The following CDH20 variants were observed in gnomAD, a reference collection of about 807,000 sequenced individuals.
The protein encoded by CDH20 is cadherin-20.
Under a neutral mutation model 74.2 loss-of-function variants are expected in CDH20, and 29 were observed. The ratio of observed to expected loss-of-function variants is 0.39; its 90% CI spans 0.29 to 0.53. The LOEUF (loss-of-function observed/expected upper bound fraction) is 0.53, where lower values mean the gene tolerates loss of function less well. Ranked by LOEUF, CDH20 falls within the 20% of genes least tolerant of loss-of-function variation. The pLI is 0.69. For synonymous variants in CDH20, 469 were observed against 405.4 expected, an observed-to-expected ratio of 1.16 and a Z score of -1.88; for missense variants, 988 against 1,048.3, an observed-to-expected ratio of 0.94 and a Z score of 0.79.
intron 1 of CDH20, among the ~76,000 whole-genome samples, chr18:61,421,345 A>C (rs993044974): frequency 6.6e-6 from 1 of 152,174 alleles, no homozygotes; most frequent in Admixed American, 6.5e-5. Context: ...CACTTAATGA[A>C]ATTCATAATA....
At chr18:61,341,646 A>G (rs1909954358) in intron 1 of CDH20, among the ~76,000 whole-genome samples, 1 of 152,236 alleles carries the variant, frequency 6.6e-6, no homozygotes, top group South Asian at 2.1e-4. Context: ...GAAAGCAAGC[A>G]CCACACTTGA....
intron 1 of CDH20, among the ~76,000 whole-genome samples, chr18:61,348,896 G>A (rs1035817744): frequency 1.3e-5 from 2 of 152,074 alleles, no homozygotes; most frequent in African/African-American, 4.8e-5. Flanking sequence ...TAGCTTTGTG[G>A]GGCAGTAAAG....
chr18:61,489,551 C>T (rs185272577), intron 1 of CDH20, among the ~76,000 whole-genome samples: 56 of 150,972 alleles, frequency 3.7e-4, no homozygotes, highest in African/African-American at 1.3e-3. Context: ...TAAATGTGAC[C>T]ACATAGCAAC....
intron 5 of CDH20, 75 bp from the exon 6 acceptor site, chr18:61,507,298 C>T: frequency 7.3e-7 from 1 of 1,372,030 alleles, no homozygotes; most frequent in Non-Finnish European, 1.0e-6. Context: ...GCACAGCACT[C>T]CTGATATGAT....
chr18:61,419,035 G>A (rs1002631502), intron 1 of CDH20, among the ~76,000 whole-genome samples: 14 of 152,190 alleles, frequency 9.2e-5, no homozygotes, highest in African/African-American at 3.4e-4. Context: ...CCATAGCTAT[G>A]ATGTATATAA....
At chr18:61,469,470 G>A (rs1230853745) in intron 1 of CDH20, among the ~76,000 whole-genome samples, 5 of 152,064 alleles carry the variant, frequency 3.3e-5, no homozygotes, top group African/African-American at 1.2e-4. Flanking sequence ...TGATCTGGCT[G>A]CTTCAGCAGT....
intron 1 of CDH20, among the ~76,000 whole-genome samples, chr18:61,407,018 C>T (rs957086556): frequency 6.6e-6 from 1 of 152,188 alleles, no homozygotes; most frequent in Non-Finnish European, 1.5e-5. Context: ...GTGGTACATA[C>T]TTGCCATCAA....
Position 61,538,581 on chromosome 18 carries a change from TTTG to T in CDH20, c.1409-440_1409-438del, listed in dbSNP as rs764253962. 4.2e-3 allele frequency among the ~76,000 whole-genome samples: 201 copies of T among 47,654 alleles called. 34 individuals are homozygous for T. Among genetic ancestry groups the T allele is most frequent in the East Asian group, 5.5e-3 (13 of 2,382 alleles). The allele number at this position is 47,654 out of a possible 152,430, so 31.3% of individuals were successfully genotyped here. On this transcript the variant is annotated intron_variant, in intron 8 of 11. Transcript: ENST00000262717. ...AGACTCACCAAGTAAATAACTACTT[TTTG>T]TTTGTTTGTTTGTTTTTGTTTTTGT...
At chr18:61,412,518 A>G (rs1230655587) in intron 1 of CDH20, among the ~76,000 whole-genome samples, 2 of 152,182 alleles carry the variant, frequency 1.3e-5, no homozygotes, top group Non-Finnish European at 2.9e-5. Flanking sequence ...AAAAAAGATT[A>G]TAACAGGTTT....
At chr18:61,343,793 C>T (rs1326325928) in intron 1 of CDH20, among the ~76,000 whole-genome samples, 1 of 152,200 alleles carries the variant, frequency 6.6e-6, no homozygotes, top group East Asian at 1.9e-4. Context: ...ATTTATTCTG[C>T]ATTGCTGTGG....
intron 1 of CDH20, among the ~76,000 whole-genome samples, chr18:61,423,812 A>G (rs1313298178): frequency 6.6e-6 from 1 of 152,238 alleles, no homozygotes; most frequent in South Asian, 2.1e-4. Flanking sequence ...ATGCTAGATT[A>G]AATTCTTTCA....
At chr18:61,487,394 T>C (rs965548055) in intron 1 of CDH20, among the ~76,000 whole-genome samples, 1 of 152,208 alleles carries the variant, frequency 6.6e-6, no homozygotes, top group African/African-American at 2.4e-5. Flanking sequence ...ATGCGACTAT[T>C]GTATAACCCA....
intron 5 of CDH20, among the ~76,000 whole-genome samples, chr18:61,506,496 C>T (rs1036829329): frequency 5.9e-5 from 9 of 152,146 alleles, no homozygotes; most frequent in Non-Finnish European, 1.3e-4. Flanking sequence ...AAAGGGAACA[C>T]GTACATATTG....
At position 61,490,811 on chromosome 18, in the gene CDH20, C is replaced by T. The variant is rs758888720; in HGVS notation, c.246+12C>T. Reference sequence around the variant, plus strand: ...TGTATGTCGGCAAGGTAAGAAATGCCAAGTAGAAATGACCCGGGTATTGGA... The same window carrying T: ...TGTATGTCGGCAAGGTAAGAAATGCTAAGTAGAAATGACCCGGGTATTGGA... On this transcript the variant is annotated intron_variant, in intron 2 of 11. Transcript: ENST00000262717. 57 of 1,613,112 alleles carry T rather than the reference C, an allele frequency of 3.5e-5. No individual in the cohort carries two copies. Among genetic ancestry groups the T allele is most frequent in the Non-Finnish European group, 4.5e-5 (53 of 1,179,318 alleles).
intron 1 of CDH20, among the ~76,000 whole-genome samples, chr18:61,448,198 T>C (rs771511451): frequency 1.4e-4 from 21 of 152,184 alleles, no homozygotes; most frequent in Non-Finnish European, 2.8e-4. Flanking sequence ...AATAGACATG[T>C]TCAGGACAGT....
chr18:61,461,640 A>G (rs1909780136), intron 1 of CDH20, among the ~76,000 whole-genome samples: 1 of 152,202 alleles, frequency 6.6e-6, no homozygotes, highest in Admixed American at 6.5e-5. Context: ...ATAATTGGAC[A>G]AAATGCACAA....
chr18:61,341,789 A>T (rs1485343636), intron 1 of CDH20, among the ~76,000 whole-genome samples: 1 of 152,232 alleles, frequency 6.6e-6, no homozygotes, highest in Non-Finnish European at 1.5e-5. Context: ...CTTTTGTGCT[A>T]CCATTAATAT....
At chr18:61,465,856 G>A (rs73449443) in intron 1 of CDH20, among the ~76,000 whole-genome samples, 3,452 of 151,678 alleles carry the variant, frequency 0.023, 128 homozygotes, top group African/African-American at 0.078. Context: ...AACAATATAA[G>A]GCTCCGACCT....
chr18:61,394,091 C>T (rs1378558217), intron 1 of CDH20, among the ~76,000 whole-genome samples: 1 of 152,124 alleles, frequency 6.6e-6, no homozygotes, highest in African/African-American at 2.4e-5. Flanking sequence ...CTCTCTCTAC[C>T]TCCCCCAAGT....
Sources: allele counts gnomAD v4.1 joint callset (sites outside exome capture counted in the v4.1 genomes callset), GRCh38; gene constraint gnomAD v4.1.1; transcripts MANE v1.5; gene names NCBI Gene and HGNC (gene_info 2026-07-23, HGNC 2026-07-21).